HYCC1: variants seen among roughly 807,000 people sequenced by gnomAD.
The protein encoded by HYCC1 is hyccin PI4KA lipid kinase complex subunit 1.
chr7:22,981,636 T>C, the HYCC1 span, among the ~76,000 whole-genome samples: 1 of 152,182 alleles, frequency 6.6e-6, no homozygotes, highest in Admixed American at 6.5e-5. Flanking sequence ...AGTGTGGTCC[T>C]GAGGATCATC....
At chr7:22,947,079 G>C in the HYCC1 span, 4 of 1,550,386 alleles carry the variant, frequency 2.6e-6, no homozygotes, top group Non-Finnish European at 2.6e-6. Flanking sequence ...CTCAGTTCTA[G>C]GATCTGTGGC....
At chr7:22,899,328 G>C in the HYCC1 span, among the ~76,000 whole-genome samples, 22 of 152,134 alleles carry the variant, frequency 1.4e-4, no homozygotes, top group Admixed American at 1.2e-3. Context: ...TGTACAGCAT[G>C]GGGGGCCTGG....
At chr7:23,002,282 T>C in the HYCC1 span, among the ~76,000 whole-genome samples, 1 of 151,372 alleles carries the variant, frequency 6.6e-6, no homozygotes, top group African/African-American at 2.4e-5. Flanking sequence ...ACCACAGCAA[T>C]GGGCATGTAA....
chr7:22,951,492 C>T, the HYCC1 span, among the ~76,000 whole-genome samples: 2 of 151,908 alleles, frequency 1.3e-5, no homozygotes, highest in Non-Finnish European at 2.9e-5. Flanking sequence ...ATGAAAAATA[C>T]TTTAACTTAG....
At chr7:22,994,764 C>T in the HYCC1 span, among the ~76,000 whole-genome samples, 1 of 152,140 alleles carries the variant, frequency 6.6e-6, no homozygotes, top group Non-Finnish European at 1.5e-5. Flanking sequence ...TTCACAGTCT[C>T]ACCACCACTG....
the HYCC1 span, among the ~76,000 whole-genome samples, chr7:23,002,136 G>GTATATATATATATA: frequency 3.0e-4 from 23 of 76,598 alleles, no homozygotes; most frequent in Non-Finnish European, 4.4e-4. Context: ...GGTAAAAATT[G>GTATATATATATATA]TATATATATA....
chr7:22,896,622 T>C, the HYCC1 span, among the ~76,000 whole-genome samples: 1 of 152,160 alleles, frequency 6.6e-6, no homozygotes. Flanking sequence ...GGTTATTGCA[T>C]GCATTCAAAA....
chr7:22,905,386 A>ATTTTTTTTTTTTTT, the HYCC1 span, among the ~76,000 whole-genome samples: 104 of 44,470 alleles, frequency 2.3e-3, 8 homozygotes, highest in East Asian at 8.3e-3. Flanking sequence ...CTAATTTTGT[A>ATTTTTTTTTTTTTT]TTTTTTTTTT....
chr7:22,964,072 T>C, the HYCC1 span, among the ~76,000 whole-genome samples: 3 of 151,344 alleles, frequency 2.0e-5, no homozygotes, highest in Non-Finnish European at 2.9e-5. Context: ...TGGAAAAATA[T>C]ATTTCTTGAG....
chr7:22,941,671 G>T, the HYCC1 span: 1 of 152,086 alleles, frequency 6.6e-6, no homozygotes, highest in Non-Finnish European at 1.5e-5. Flanking sequence ...AATGTTCGTT[G>T]TTAGTTTCTT....
At chr7:22,897,515 C>A in the HYCC1 span, among the ~76,000 whole-genome samples, 4 of 152,164 alleles carry the variant, frequency 2.6e-5, no homozygotes, top group African/African-American at 7.2e-5. Flanking sequence ...ATGAGGGTAA[C>A]AGTAGCAACA....
At chr7:22,923,840 A>G in the HYCC1 span, among the ~76,000 whole-genome samples, 3 of 152,034 alleles carry the variant, frequency 2.0e-5, no homozygotes, top group Non-Finnish European at 2.9e-5. Context: ...ACTAGAAGGT[A>G]CAAACTACCG....
chr7:22,975,035 T>C, the HYCC1 span, among the ~76,000 whole-genome samples: 1 of 152,214 alleles, frequency 6.6e-6, no homozygotes, highest in African/African-American at 2.4e-5. Context: ...CCTTTATAAA[T>C]TACCCAGTCT....
At chr7:22,959,742 T>TAC in the HYCC1 span, among the ~76,000 whole-genome samples, 1 of 152,028 alleles carries the variant, frequency 6.6e-6, no homozygotes, top group Non-Finnish European at 1.5e-5. Context: ...GATATATATA[T>TAC]ACACACACAC....
the HYCC1 span, among the ~76,000 whole-genome samples, chr7:22,915,199 G>A: frequency 2.6e-5 from 4 of 152,002 alleles, no homozygotes; most frequent in Non-Finnish European, 5.9e-5. Context: ...ATCAGATTCC[G>A]GCCCTCAAAC....
chr7:22,927,793 C>A, the HYCC1 span, among the ~76,000 whole-genome samples: 1 of 152,194 alleles, frequency 6.6e-6, no homozygotes, highest in African/African-American at 2.4e-5. Context: ...TGAAACTATT[C>A]CAATCAAGAG....
the HYCC1 span, among the ~76,000 whole-genome samples, chr7:22,954,157 A>G: frequency 1.3e-5 from 2 of 151,306 alleles, no homozygotes; most frequent in African/African-American, 2.4e-5. Context: ...TAAATGTTCC[A>G]TTTCAAGATT....
the HYCC1 span, among the ~76,000 whole-genome samples, chr7:22,987,171 G>C: frequency 1.5e-4 from 23 of 152,168 alleles, no homozygotes; most frequent in Non-Finnish European, 7.4e-5. Flanking sequence ...TATTTTATAA[G>C]TAAATCTTTG....
chr7:22,955,919 C>T, the HYCC1 span, among the ~76,000 whole-genome samples: 1 of 151,460 alleles, frequency 6.6e-6, no homozygotes, highest in African/African-American at 2.4e-5. Context: ...TTTCTATTTT[C>T]CTTTAACTTC....
Sources: allele counts gnomAD v4.1 joint callset (sites outside exome capture counted in the v4.1 genomes callset), GRCh38; gene constraint gnomAD v4.1.1; transcripts MANE v1.5; gene names NCBI Gene and HGNC (gene_info 2026-07-23, HGNC 2026-07-21).